SPIRE2: variants seen among roughly 807,000 people sequenced by gnomAD.
The protein encoded by SPIRE2 is spire type actin nucleation factor 2.
A neutral mutation model predicts 80.7 loss-of-function variants in SPIRE2; 76 were observed. The observed-to-expected ratio is 0.94, with a 90% CI of 0.78 to 1.14. The LOEUF is 1.14. Ranked by LOEUF, SPIRE2 falls within the 50% of genes most tolerant of loss-of-function variation. The probability of loss-of-function intolerance (pLI) is 0.00; values close to 1 mark genes in which losing one functional copy is unlikely to be tolerated. For missense variants in SPIRE2, 1,196 were observed against 1,015.3 expected, an observed-to-expected ratio of 1.18 and a Z score of -2.42; for synonymous variants, 535 against 432.6, an observed-to-expected ratio of 1.24 and a Z score of -2.94.
At position 89,863,290 on chromosome 16, in the gene SPIRE2, CA is replaced by C. The variant is rs1362543929; in HGVS notation, c.1576-185del. 2 of 665,488 alleles carry C rather than the reference CA, an allele frequency of 3.0e-6. No individual in the cohort carries two copies. The highest frequency in any genetic ancestry group is 3.6e-5 in the African/African-American group (2 of 54,908). 41.2% of individuals were successfully genotyped at this position (665,488 alleles called of 1,614,324 possible). On this transcript the variant is annotated intron_variant, in intron 10 of 14. Transcript: ENST00000378247. The surrounding 1 kb of genome is among the most constrained non-coding windows in gnomAD (Gnocchi z 4.3). ...CGCTGGTCATGGGAGGCCTGGCCTGCAGCAGCAGGGCCCATCAAAGACATGG... is the reference window on the plus strand; with the variant it reads ...CGCTGGTCATGGGAGGCCTGGCCTGCGCAGCAGGGCCCATCAAAGACATGG...
chr16:89,845,962 T>C, intron 2 of SPIRE2: 1 of 266,310 alleles, frequency 3.8e-6, no homozygotes, highest in Admixed American at 5.0e-5. Flanking sequence ...AGTGGTGTGA[T>C]CTCGGCTTAC....
intron 1 of SPIRE2, chr16:89,836,446 GTCTC>G (rs1482736976): frequency 3.1e-6 from 1 of 320,020 alleles, no homozygotes; most frequent in African/African-American, 2.2e-5. Context: ...ATTTCCTTGC[GTCTC>G]TCTCCATCCT....
chr16:89,863,592 CAGTCTGAAGA>C lies in SPIRE2; in HGVS notation c.1695_1704del (p.Ser565ArgfsTer34). 1 of 1,614,116 alleles carries C rather than the reference CAGTCTGAAGA, an allele frequency of 6.2e-7. No individual in the cohort carries two copies. The highest frequency in any genetic ancestry group is 8.5e-7 in the Non-Finnish European group (1 of 1,180,044). ...TTTTGCAGAACAAGGAGCTCTTCAG[CAGTCTGAAGA>C]AGGGGAAGGTGAGGCTGCCTAGACG... is the stretch of plus-strand genomic sequence containing the variant. On this transcript the variant is annotated frameshift_variant, in exon 11 of 15. Transcript: ENST00000378247. LOFTEE classifies it high-confidence loss of function. This position sits in a 1 kb window ranked among gnomAD's most constrained non-coding sequence, Gnocchi z 4.3.
rs986588873 is a variant in SPIRE2 at position 89,832,042 on chromosome 16, C to T, written c.244+3248C>T. Among the ~76,000 whole-genome samples the T allele has an allele frequency of 3.9e-5, 6 of 152,226 alleles. No homozygotes were observed. The East Asian group carries it at 5.8e-4, about 15-fold the overall frequency. On this transcript the variant is annotated intron_variant, in intron 1 of 14. Transcript: ENST00000378247. ...TCCTCTGGTTCCCTCCATCCCGCGCCGTGCTGATGAGCAGGCCCCAGCTTC... is the reference window on the plus strand; with the variant it reads ...TCCTCTGGTTCCCTCCATCCCGCGCTGTGCTGATGAGCAGGCCCCAGCTTC...
At chr16:89,831,343 A>AT (rs1230740960) in intron 1 of SPIRE2, among the ~76,000 whole-genome samples, 1 of 145,902 alleles carries the variant, frequency 6.9e-6, no homozygotes, top group Non-Finnish European at 1.5e-5. Flanking sequence ...ACGTGACCCT[A>AT]TTTTTTGAAT....
At chr16:89,869,041 AAAAAAAAAAAAAATATAT>A (rs1396159749) in intron 13 of SPIRE2, among the ~76,000 whole-genome samples, 2 of 42,480 alleles carry the variant, frequency 4.7e-5, no homozygotes, top group Non-Finnish European at 7.7e-5. Flanking sequence ...TAAAAAAAAA[AAAAAAAAAAAAAATATAT>A]ATATATATAT....
chr16:89,836,311 G>A (rs1187873790), intron 1 of SPIRE2: 5 of 453,654 alleles, frequency 1.1e-5, no homozygotes, highest in Non-Finnish European at 2.2e-5. Flanking sequence ...ATGCTCACAG[G>A]TTCTGGGGTT....
Position 89,870,709 on chromosome 16 carries a change from C to T in SPIRE2, c.*437C>T, listed in dbSNP as rs1279373930. ...CCAGAGTGCCCTGCTTGCCTCTGCT[C>T]TCCCTTTGTGGGGACTCAGGCAGCA... On this transcript the variant is annotated 3_prime_UTR_variant, in exon 15 of 15. Coordinates refer to ENST00000378247, the MANE Select transcript of SPIRE2 (RefSeq NM_032451.2). 1 of 169,764 alleles carries T rather than the reference C, an allele frequency of 5.9e-6. No individual in the cohort carries two copies. 10.5% of individuals were successfully genotyped at this position (169,764 alleles called of 1,614,324 possible). A position where few individuals can be genotyped will look rare whatever the true frequency, so the allele number is the denominator to read the frequency against.
rs1185522189 is a variant in SPIRE2 at position 89,869,045 on chromosome 16, A to ACATATATATATATATAT, written c.1807-522_1807-521insCATATATATATATATAT. Among the ~76,000 whole-genome samples, 55 of 37,158 alleles carry ACATATATATATATATAT rather than the reference A, an allele frequency of 1.5e-3. 5 individuals are homozygous for ACATATATATATATATAT. The East Asian group carries it at 0.033, about 22-fold the overall frequency. The allele number at this position is 37,158 out of a possible 152,430, so 24.4% of individuals were successfully genotyped here. A position where few individuals can be genotyped will look rare whatever the true frequency, so the allele number is the denominator to read the frequency against. Reference sequence around the variant, plus strand: ...GATCTGTGTCTTAAAAAAAAAAAAAAAAAAAAAAATATATATATATATATA... The same window carrying ACATATATATATATATAT: ...GATCTGTGTCTTAAAAAAAAAAAAAACATATATATATATATATAAAAAAAAATATATATATATATATA... On this transcript the variant is annotated intron_variant, in intron 13 of 14. Coordinates refer to ENST00000378247, the MANE Select transcript of SPIRE2 (RefSeq NM_032451.2).
intron 2 of SPIRE2, chr16:89,845,870 T>G: frequency 1.9e-6 from 1 of 526,338 alleles, no homozygotes; most frequent in Non-Finnish European, 3.3e-6. Context: ...GTTTTCTTTC[T>G]TTGTTTTTTT....
chr16:89,867,891 CACT>C (rs2041803894), intron 12 of SPIRE2, among the ~76,000 whole-genome samples: 1 of 152,182 alleles, frequency 6.6e-6, no homozygotes, highest in Non-Finnish European at 1.5e-5. Context: ...GGCCCACCAC[CACT>C]ATGTTTAAAC....
intron 1 of SPIRE2, among the ~76,000 whole-genome samples, chr16:89,833,386 A>G (rs2041407237): frequency 6.6e-6 from 1 of 152,192 alleles, no homozygotes; most frequent in Non-Finnish European, 1.5e-5. Flanking sequence ...CAGCCTCCAA[A>G]AGTGCTGGGA....
At chr16:89,848,004 G>C (rs2041579734) in intron 2 of SPIRE2, among the ~76,000 whole-genome samples, 2 of 152,320 alleles carry the variant, frequency 1.3e-5, no homozygotes, top group South Asian at 4.1e-4. Flanking sequence ...TGTGCCACGA[G>C]GCACAATCGG....
chr16:89,850,693 C>A, intron 3 of SPIRE2, 33 bp downstream of exon 3: 2 of 1,394,018 alleles, frequency 1.4e-6, no homozygotes, highest in Non-Finnish European at 1.9e-6. Flanking sequence ...CGTGGAGGGT[C>A]CGGGAGGCCA....
At chr16:89,868,144 G>C (rs1270864387) in intron 12 of SPIRE2, 45 bp from the exon 13 acceptor site, 1 of 1,612,590 alleles carries the variant, frequency 6.2e-7, no homozygotes, top group Non-Finnish European at 8.5e-7. Context: ...AGCTGTTTGT[G>C]GGCTTCCTCC....
At chr16:89,829,835 C>T (rs77847775) in intron 1 of SPIRE2, among the ~76,000 whole-genome samples, 9,899 of 151,462 alleles carry the variant, frequency 0.065, 924 homozygotes, top group East Asian at 0.24. Context: ...TGCGCTGGCA[C>T]TCAGACAGTG....
intron 1 of SPIRE2, among the ~76,000 whole-genome samples, chr16:89,844,429 G>T (rs532785066): frequency 9.3e-4 from 140 of 151,238 alleles, no homozygotes; most frequent in African/African-American, 3.3e-3. Flanking sequence ...ACCCACCTCA[G>T]CCTCCCAAAG....
intron 10 of SPIRE2, chr16:89,862,632 A>G (rs931578029): frequency 2.0e-5 from 3 of 152,276 alleles, no homozygotes; most frequent in African/African-American, 7.2e-5. Flanking sequence ...GCAACTGGCA[A>G]CAGAAGCCTA....
intron 8 of SPIRE2, 97 bp from the exon 9 acceptor site, chr16:89,859,068 C>G: frequency 8.6e-7 from 1 of 1,165,478 alleles, no homozygotes; most frequent in Non-Finnish European, 1.2e-6. Flanking sequence ...TCGCAGCAGA[C>G]CCTGCGGCAC....
Sources: allele counts gnomAD v4.1 joint callset (sites outside exome capture counted in the v4.1 genomes callset), GRCh38; gene constraint gnomAD v4.1.1; non-coding constraint Gnocchi (gnomAD v3.1); transcripts MANE v1.5; gene names NCBI Gene and HGNC (gene_info 2026-07-23, HGNC 2026-07-21).